Variants in SCN3A observed in about 807,000 individuals in gnomAD.
The protein encoded by SCN3A is sodium voltage-gated channel alpha subunit 3.
In SCN3A, 60 loss-of-function variants were observed where a neutral mutation model predicts 187.6. That is an observed-to-expected ratio of 0.32 (90% CI 0.26 to 0.40). The LOEUF (loss-of-function observed/expected upper bound fraction) is 0.40. Among genes scored for constraint, SCN3A ranks in the 10% least tolerant of loss-of-function variants. The probability of loss-of-function intolerance (pLI) is 1.00; values close to 1 mark genes in which losing one functional copy is unlikely to be tolerated. For synonymous variants in SCN3A, 788 were observed against 829.2 expected (o/e 0.95, Z 0.85); for missense variants, 1,601 against 2,428.2 (o/e 0.66, Z 7.16).
intron 24 of SCN3A, 28 bp downstream of exon 24, chr2:165,096,439 C>G: frequency 1.9e-6 from 3 of 1,569,410 alleles, no homozygotes; most frequent in Non-Finnish European, 2.6e-6. Flanking sequence ...AATCTAGAAC[C>G]TATAAATAAT....
At chr2:165,154,344 A>G in intron 11 of SCN3A, 108 bp downstream of exon 11, 1 of 1,187,248 alleles carries the variant, frequency 8.4e-7, no homozygotes, top group Non-Finnish European at 1.2e-6. Flanking sequence ...GACAATGCCT[A>G]TATATAAAAT....
chr2:165,126,160 T>C (rs1686977435), intron 18 of SCN3A, among the ~76,000 whole-genome samples: 1 of 152,210 alleles, frequency 6.6e-6, no homozygotes, highest in South Asian at 2.1e-4. Flanking sequence ...TGGTTCCCAC[T>C]GTGTCAACAT....
At chr2:165,117,580 C>T (rs1349664633) in intron 18 of SCN3A, among the ~76,000 whole-genome samples, 1 of 151,972 alleles carries the variant, frequency 6.6e-6, no homozygotes, top group East Asian at 1.9e-4. Flanking sequence ...AGAATAGACA[C>T]TGAATAGTTA....
At position 165,140,700 on chromosome 2, in the gene SCN3A, A is replaced by G. The variant is rs922985729; in HGVS notation, c.1970T>C (p.Val657Ala). The G allele has an allele frequency of 4.3e-6, 7 of 1,614,042 alleles. No homozygotes were observed. Among genetic ancestry groups the G allele is most frequent in the Middle Eastern group, 1.6e-4 (1 of 6,062 alleles). ...TGACGTTAGAGCTGAAGGTCCACCC[A>G]CCAAGGAAACCACACCATTGCAATC... is the stretch of plus-strand genomic sequence containing the variant. ...TVDCNGVVSL[V>A]GGPSALTSPT... Residue 657 changes from valine to alanine, a missense_variant, in exon 13 of 28, where the codon GTG becomes GCG. Transcript: ENST00000283254. This position sits in a 1 kb window ranked among gnomAD's most constrained non-coding sequence, Gnocchi z 4.2.
chr2:165,178,073 C>G (rs1690582361), intron 2 of SCN3A, among the ~76,000 whole-genome samples: 1 of 152,052 alleles, frequency 6.6e-6, no homozygotes, highest in African/African-American at 2.4e-5. Context: ...TATATTTGAG[C>G]TTACAATCAG....
At position 165,138,016 on chromosome 2, in the gene SCN3A, G is replaced by C. The variant is rs1376001623; in HGVS notation, c.2254C>G (p.Leu752Val). The C allele has an allele frequency of 6.2e-7, 1 of 1,613,502 alleles. No individual in the cohort carries two copies. The highest frequency in any genetic ancestry group is 2.2e-5 in the East Asian group (1 of 44,844). Residue 752 changes from leucine to valine, a missense_variant, in exon 15 of 28, where the codon CTT becomes GTT. Physicochemically the swap from Leu to Val is conservative, Grantham distance 32. Transcript: ENST00000283254. ...GGATCCATAACAATTAAATTCACAA[G>C]ATGTTTTACTTTTAACCATGCATCA... ...CCDAWLKVKH[L>V]VNLIVMDPFV...
At chr2:165,194,938 T>G (rs555356983) in intron 1 of SCN3A, 24 of 152,134 alleles carry the variant, frequency 1.6e-4, no homozygotes, top group African/African-American at 4.8e-4. Flanking sequence ...CAAAGGACTG[T>G]GTGCACTGCC....
At chr2:165,174,578 C>T (rs1191278851) in intron 3 of SCN3A, among the ~76,000 whole-genome samples, 1 of 152,144 alleles carries the variant, frequency 6.6e-6, no homozygotes, top group East Asian at 1.9e-4. Context: ...TTTTTAAGGA[C>T]ACTTCCTTTC....
chr2:165,092,724 T>G lies in SCN3A; in HGVS notation c.4537-200A>C. The stretch of plus-strand genomic sequence containing the variant: ...TTTATATAGCTAAACAAAGCATATT[T>G]GGTTTATATAGGTCCTATGGAAAGA... On this transcript the variant is annotated intron_variant, in intron 26 of 27. Coordinates refer to ENST00000283254, the MANE Select transcript of SCN3A (RefSeq NM_006922.4). This position sits in a 1 kb window ranked among gnomAD's most constrained non-coding sequence, Gnocchi z 4.2. 1.7e-6 allele frequency: 1 copy of G among 588,268 alleles called. No individual in the cohort carries two copies. The allele number at this position is 588,268 out of a possible 1,614,324, so 36.4% of individuals were successfully genotyped here. A position where few individuals can be genotyped will look rare whatever the true frequency, so the allele number is the denominator to read the frequency against.
At position 165,162,292 on chromosome 2, in the gene SCN3A, A is replaced by G; in HGVS notation, c.1031+16T>C. ...CAAAGAGTTCTATATCTTAAAAAATATATTATGTTTCTTACCCTGCATCTG... is the reference window on the plus strand; with the variant it reads ...CAAAGAGTTCTATATCTTAAAAAATGTATTATGTTTCTTACCCTGCATCTG... On this transcript the variant is annotated intron_variant, in intron 9 of 27. Coordinates refer to ENST00000283254, the MANE Select transcript of SCN3A (RefSeq NM_006922.4). The G allele has an allele frequency of 1.2e-6, 2 of 1,605,560 alleles. No homozygotes were observed. Among genetic ancestry groups the G allele is most frequent in the Non-Finnish European group, 1.7e-6 (2 of 1,175,422 alleles).
intron 5 of SCN3A, 43 bp from the exon 6 acceptor site, chr2:165,164,563 C>G: frequency 6.2e-7 from 1 of 1,608,190 alleles, no homozygotes; most frequent in Non-Finnish European, 8.5e-7. Flanking sequence ...TTTGCTTGAA[C>G]TGTTAAAATA....
At chr2:165,155,687 C>T (rs1688979264) in intron 10 of SCN3A, 75 bp downstream of exon 10, 17 of 1,559,348 alleles carry the variant, frequency 1.1e-5, no homozygotes, top group Admixed American at 8.4e-5. Flanking sequence ...GCATGAGCCA[C>T]CACACCCAGC....
intron 1 of SCN3A, among the ~76,000 whole-genome samples, chr2:165,197,396 A>G (rs1357198185): frequency 3.3e-5 from 5 of 152,114 alleles, no homozygotes; most frequent in Non-Finnish European, 4.4e-5. Flanking sequence ...AAATATTGAT[A>G]CCCAGATTCC....
chr2:165,127,058 T>C (rs1223422277), intron 18 of SCN3A, among the ~76,000 whole-genome samples: 31 of 152,300 alleles, frequency 2.0e-4, no homozygotes, highest in African/African-American at 7.5e-4. Context: ...ATCTCTTTTT[T>C]GGAAGGCTAC....
chr2:165,140,930 G>A lies in SCN3A; in HGVS notation c.1740C>T (p.Phe580=). ...ATCCAACATCCTTTGCCCGACCTCT[G>A]AAACTGAAAATGCTTGTTTTGCTAT... ...RRNSKTSIFS[F]RGRAKDVGSE... The change falls in exon 13 of 28, where the codon TTC becomes TTT. Residue 580 remains phenylalanine (F), a synonymous_variant. Transcript: ENST00000283254. This position sits in a 1 kb window ranked among gnomAD's most constrained non-coding sequence, Gnocchi z 4.2. 1 of 1,614,058 alleles carries A rather than the reference G, an allele frequency of 6.2e-7. No individual in the cohort carries two copies. Among genetic ancestry groups the A allele is most frequent in the Non-Finnish European group, 8.5e-7 (1 of 1,179,982 alleles).
intron 1 of SCN3A, among the ~76,000 whole-genome samples, chr2:165,187,907 A>T (rs985157457): frequency 5.3e-5 from 8 of 152,216 alleles, no homozygotes; most frequent in African/African-American, 1.9e-4. Context: ...AGTTCCCTCT[A>T]CTTCACAGCC....
intron 18 of SCN3A, among the ~76,000 whole-genome samples, chr2:165,118,156 A>G (rs973520964): frequency 1.3e-5 from 2 of 152,218 alleles, no homozygotes; most frequent in Non-Finnish European, 2.9e-5. Flanking sequence ...AATCTCTAAT[A>G]GCTCTGGAGG....
intron 2 of SCN3A, among the ~76,000 whole-genome samples, chr2:165,183,051 G>GA (rs928258919): frequency 1.3e-5 from 2 of 151,698 alleles, no homozygotes; most frequent in Non-Finnish European, 2.9e-5. Flanking sequence ...ATTGCCTAAG[G>GA]AAAAAAAGTG....
intron 1 of SCN3A, among the ~76,000 whole-genome samples, chr2:165,190,938 C>T (rs115201217): frequency 0.012 from 1,869 of 152,026 alleles, 56 homozygotes; most frequent in African/African-American, 0.042. Flanking sequence ...GGCTCCACCC[C>T]AGGTATATAT....
Sources: gnomAD v4.1 joint callset for allele counts (sites outside exome capture counted in the v4.1 genomes callset) on GRCh38, gnomAD v4.1.1 for gene constraint, Gnocchi (gnomAD v3.1) non-coding constraint, MANE v1.5 for transcripts, NCBI Gene and HGNC (gene_info 2026-07-23, HGNC 2026-07-21) for gene names.